The following LIN28B variants were observed in gnomAD, a reference collection of about 807,000 sequenced individuals.
LIN28B encodes lin-28 RNA binding posttranscriptional regulator B, also known as protein lin-28 homolog B.
A neutral mutation model predicts 21.9 loss-of-function variants in LIN28B; 5 were observed. The ratio of observed to expected loss-of-function variants is 0.23; its 90% CI spans 0.12 to 0.48. LIN28B has a LOEUF of 0.48. Ranked by LOEUF, LIN28B falls within the 20% of genes least tolerant of loss-of-function variation. The pLI is 0.98. For synonymous variants in LIN28B, 109 were observed against 111.3 expected, an observed-to-expected ratio of 0.98 and a Z score of 0.13; for missense variants, 245 against 310.5, an observed-to-expected ratio of 0.79 and a Z score of 1.58.
chr6:105,014,211 A>G (rs1210396383), intron 2 of LIN28B, among the ~76,000 whole-genome samples: 1 of 152,044 alleles, frequency 6.6e-6, no homozygotes, highest in Admixed American at 6.6e-5. Flanking sequence ...ACAGTGGCAC[A>G]ATCACAGCTC....
chr6:105,030,023 CCTTA>C (rs1172075535), intron 3 of LIN28B, among the ~76,000 whole-genome samples: 1 of 152,098 alleles, frequency 6.6e-6, no homozygotes, highest in African/African-American at 2.4e-5. Flanking sequence ...TGTTCCAACT[CCTTA>C]CTCTTACTGT....
intron 2 of LIN28B, among the ~76,000 whole-genome samples, chr6:104,965,198 ATAG>A (rs1377055622): frequency 6.6e-6 from 1 of 152,236 alleles, no homozygotes; most frequent in Non-Finnish European, 1.5e-5. Context: ...GCTTTTCATT[ATAG>A]TTTTGTGGCA....
At chr6:104,953,069 C>A (rs1039748240), upstream of LIN28B, among the ~76,000 whole-genome samples, 3 of 152,196 alleles carry the variant, frequency 2.0e-5, no homozygotes, top group Non-Finnish European at 4.4e-5. Flanking sequence ...AGTGGTTTAC[C>A]AAAACGCGGC....
intron 2 of LIN28B, among the ~76,000 whole-genome samples, chr6:105,002,434 A>C (rs1013201508): frequency 1.3e-5 from 2 of 152,174 alleles, no homozygotes; most frequent in African/African-American, 2.4e-5. Context: ...AGACTACCTC[A>C]GATTGTGATA....
chr6:105,050,184 C>T (rs1026784116), intron 3 of LIN28B, among the ~76,000 whole-genome samples: 3 of 152,150 alleles, frequency 2.0e-5, no homozygotes, highest in Admixed American at 6.6e-5. Context: ...GGAGCTCTTT[C>T]AGGGCAGGCC....
intron 2 of LIN28B, among the ~76,000 whole-genome samples, chr6:104,994,529 C>T (rs908918151): frequency 6.6e-6 from 1 of 152,138 alleles, no homozygotes; most frequent in Non-Finnish European, 1.5e-5. Context: ...ATAAATCGTT[C>T]ATAAAAGTGA....
intron 3 of LIN28B, among the ~76,000 whole-genome samples, chr6:105,055,780 C>T (rs1457785299): frequency 1.3e-5 from 2 of 151,976 alleles, no homozygotes; most frequent in African/African-American, 2.4e-5. Flanking sequence ...TCCTTCCCTC[C>T]ACCCTTCAGA....
At chr6:105,029,450 C>T (rs559034970) in intron 3 of LIN28B, among the ~76,000 whole-genome samples, 3 of 151,856 alleles carry the variant, frequency 2.0e-5, no homozygotes, top group African/African-American at 7.3e-5. Flanking sequence ...GGAGGAAAGG[C>T]GTAGCTTATG....
intron 3 of LIN28B, among the ~76,000 whole-genome samples, chr6:105,045,077 C>T (rs1347276958): frequency 2.0e-5 from 3 of 151,902 alleles, no homozygotes; most frequent in Non-Finnish European, 4.4e-5. Flanking sequence ...CTGTTAGGAG[C>T]AGTAATAGAA....
At position 105,033,680 on chromosome 6, in the gene LIN28B, A is replaced by G. The variant is rs79834621; in HGVS notation, c.383+7198A>G. ...AAGAGTAAAGAAATTTAACGAGTCT[A>G]TACAGCTGTCTTTATAAAAAAGTGA... On this transcript the variant is annotated intron_variant, in intron 3 of 3. Transcript: ENST00000345080. Among the ~76,000 whole-genome samples, 1,494 of 151,732 alleles carry G rather than the reference A, an allele frequency of 9.8e-3. 28 individuals carry two copies. The highest frequency in any genetic ancestry group is 0.035 in the African/African-American group (1,423 of 41,240).
intron 3 of LIN28B, among the ~76,000 whole-genome samples, chr6:105,063,956 A>G (rs1486026275): frequency 6.6e-6 from 1 of 151,148 alleles, no homozygotes; most frequent in Admixed American, 6.6e-5. Flanking sequence ...ATAGGTCCCA[A>G]TACTATGAAA....
rs1228228745 is a variant in LIN28B at position 105,039,242 on chromosome 6, T to C, written c.383+12760T>C. 2.6e-5 allele frequency among the ~76,000 whole-genome samples: 4 copies of C among 152,202 alleles called. No homozygotes were observed. The East Asian group carries it at 5.8e-4, about 22-fold the overall frequency. On this transcript the variant is annotated intron_variant, in intron 3 of 3. Coordinates refer to ENST00000345080, the MANE Select transcript of LIN28B (RefSeq NM_001004317.4). ...GCGAGTACTGAATCAAGATTGAAAA[T>C]GTTTTCTCAATGTGGGGCATGGTCA...
intron 3 of LIN28B, among the ~76,000 whole-genome samples, chr6:105,047,900 G>A (rs1252298119): frequency 1.5e-4 from 23 of 152,058 alleles, no homozygotes; most frequent in East Asian, 9.7e-4. Flanking sequence ...TTTGCTTATC[G>A]GCTTAAGGAG....
At chr6:104,950,653 T>C in intron 3 of LIN28B, 1 of 421,454 alleles carries the variant, frequency 2.4e-6, no homozygotes, top group Non-Finnish European at 4.0e-6. Context: ...AGTCCTCCTA[T>C]ACTTCGTCCT....
chr6:105,023,639 A>G (rs1161899728), intron 2 of LIN28B, among the ~76,000 whole-genome samples: 1 of 86,312 alleles, frequency 1.2e-5, no homozygotes, highest in African/African-American at 4.7e-5. Flanking sequence ...TTATATATAT[A>G]AAATATATAA....
intron 3 of LIN28B, among the ~76,000 whole-genome samples, chr6:105,072,630 A>G (rs1450093972): frequency 6.6e-6 from 1 of 152,146 alleles, no homozygotes; most frequent in Non-Finnish European, 1.5e-5. Flanking sequence ...CTATTTTTGA[A>G]AACTCAGTGT....
intron 2 of LIN28B, among the ~76,000 whole-genome samples, chr6:105,012,484 A>G (rs1263430042): frequency 1.3e-5 from 2 of 151,886 alleles, no homozygotes; most frequent in African/African-American, 4.8e-5. Flanking sequence ...AAAAAAACAA[A>G]AACAAACAAA....
chr6:104,967,813 G>A (rs920309104), intron 2 of LIN28B, among the ~76,000 whole-genome samples: 1 of 151,958 alleles, frequency 6.6e-6, no homozygotes, highest in African/African-American at 2.4e-5. Flanking sequence ...TGAGTAGCTG[G>A]GACTACAGGC....
At chr6:105,054,604 A>T (rs1476939900) in intron 3 of LIN28B, among the ~76,000 whole-genome samples, 1 of 152,226 alleles carries the variant, frequency 6.6e-6, no homozygotes, top group Admixed American at 6.5e-5. Context: ...AATTATAGTT[A>T]CCGGAATGGG....
Sources: allele counts gnomAD v4.1 joint callset (sites outside exome capture counted in the v4.1 genomes callset), GRCh38; gene constraint gnomAD v4.1.1; transcripts MANE v1.5; gene names NCBI Gene and HGNC (gene_info 2026-07-23, HGNC 2026-07-21).